TNRC6A: variants seen among roughly 807,000 people sequenced by gnomAD.
TNRC6A encodes trinucleotide repeat-containing gene 6A protein.
Under a neutral mutation model 221.2 loss-of-function variants are expected in TNRC6A, and 44 were observed. The ratio of observed to expected loss-of-function variants is 0.20; its 90% CI spans 0.16 to 0.26. TNRC6A has a LOEUF of 0.26. Ranked by LOEUF, TNRC6A falls within the 10% of genes least tolerant of loss-of-function variation. TNRC6A has a pLI of 1.00. For missense variants in TNRC6A, 2,199 were observed against 2,404.4 expected (o/e 0.91, Z 1.79); for synonymous variants, 847 against 838.5 (o/e 1.01, Z -0.18).
At chr16:24,776,395 T>C in intron 4 of TNRC6A, 1 of 985,494 alleles carries the variant, frequency 1.0e-6, no homozygotes, top group Non-Finnish European at 1.2e-6. Flanking sequence ...ATTACATTTT[T>C]AGCAAATACA....
chr16:24,698,535 T>C (rs939178274), intron 2 of TNRC6A, among the ~76,000 whole-genome samples: 2 of 152,086 alleles, frequency 1.3e-5, no homozygotes, highest in Non-Finnish European at 2.9e-5. Context: ...TGTGCAAATA[T>C]TAGCATGTTT....
rs531227921 is a variant in TNRC6A, at chr16:24,624,711, C to T, written n.276+14227C>T. 4.9e-4 allele frequency among the ~76,000 whole-genome samples: 74 copies of T among 152,174 alleles called. 1 individual carries two copies. The highest frequency in any genetic ancestry group is 1.5e-3 in the African/African-American group (62 of 41,528). On this transcript the variant is annotated intron_variant and non_coding_transcript_variant, in intron 1 of 2. Coordinates refer to the TNRC6A transcript ENST00000566108. ...GTTGCCCAGGCTGGCCTCAAACTTC[C>T]GGGCTCAAGTGATCCTCCTGCCTCG... is the stretch of plus-strand genomic sequence containing the variant.
rs184083977 is a variant in TNRC6A at position 24,720,863 on chromosome 16, G to A, written n.403-29863G>A. On this transcript the variant is annotated intron_variant and non_coding_transcript_variant, in intron 2 of 2. Transcript: ENST00000566108. ...ATCCTAGCTAACACAGTGAAACCCC[G>A]TCTCTACTAAAACAAACAAACAGAA... 1.4e-3 allele frequency among the ~76,000 whole-genome samples: 213 copies of A among 149,244 alleles called. 1 individual carries two copies. The highest frequency in any genetic ancestry group is 4.9e-3 in the African/African-American group (199 of 40,498).
Position 24,729,678 on chromosome 16 carries a change from G to GCGGTTT in TNRC6A, c.-160_-159insTTCGGT. 1 of 727,984 alleles carries GCGGTTT rather than the reference G, an allele frequency of 1.4e-6. No homozygotes were observed. Among genetic ancestry groups the GCGGTTT allele is most frequent in the Non-Finnish European group, 1.9e-6 (1 of 529,054 alleles). 45.1% of individuals were successfully genotyped at this position (727,984 alleles called of 1,614,324 possible). A position where few individuals can be genotyped will look rare whatever the true frequency, so the allele number is the denominator to read the frequency against. On this transcript the variant is annotated 5_prime_UTR_variant, in exon 1 of 25. Coordinates refer to ENST00000395799, the MANE Select transcript of TNRC6A (RefSeq NM_014494.4). ...TTCCGGTCTGGGGCCTGCGGCGGCG[G>GCGGTTT]CGGTGTCGGCGGCGGCGGCGGCGGC...
intron 1 of TNRC6A, among the ~76,000 whole-genome samples, chr16:24,616,703 C>T (rs186508724): frequency 3.8e-4 from 58 of 152,194 alleles, no homozygotes; most frequent in Non-Finnish European, 6.9e-4. Context: ...GGCTGAGAGG[C>T]GGGTGGATCA....
intron 5 of TNRC6A, among the ~76,000 whole-genome samples, chr16:24,786,889 G>C (rs1235696056): frequency 6.6e-6 from 1 of 152,150 alleles, no homozygotes; most frequent in Non-Finnish European, 1.5e-5. Context: ...CACCATGTTG[G>C]CCAGGATGGT....
chr16:24,644,235 C>T (rs370733670), intron 2 of TNRC6A, among the ~76,000 whole-genome samples: 3 of 151,024 alleles, frequency 2.0e-5, no homozygotes, highest in African/African-American at 2.4e-5. Context: ...TACAGGCGCC[C>T]GCCACCACGC....
intron 2 of TNRC6A, among the ~76,000 whole-genome samples, chr16:24,720,886 G>GA (rs112753721): frequency 9.5e-4 from 129 of 135,456 alleles, no homozygotes; most frequent in East Asian, 1.5e-3. Flanking sequence ...CAAACAAACA[G>GA]AAAAAAAAAA....
intron 18 of TNRC6A, among the ~76,000 whole-genome samples, chr16:24,814,362 C>A (rs1362061024): frequency 2.0e-5 from 3 of 149,938 alleles, no homozygotes; most frequent in African/African-American, 7.5e-5. Context: ...GTTTTCCCTT[C>A]CAAATTTACT....
intron 9 of TNRC6A, 39 bp downstream of exon 9, chr16:24,795,978 A>G: frequency 6.2e-7 from 1 of 1,610,732 alleles, no homozygotes; most frequent in Non-Finnish European, 8.5e-7. Context: ...TGTTTCTACT[A>G]GTAAAAATCT....
intron 5 of TNRC6A, among the ~76,000 whole-genome samples, chr16:24,786,153 G>C (rs536439829): frequency 4.6e-5 from 7 of 152,290 alleles, no homozygotes; most frequent in African/African-American, 1.7e-4. Flanking sequence ...CTTTATAAGG[G>C]AGACATGGTG....
At chr16:24,822,806 G>A in intron 23 of TNRC6A, 68 bp from the exon 24 acceptor site, 1 of 1,599,664 alleles carries the variant, frequency 6.3e-7, no homozygotes, top group Non-Finnish European at 8.5e-7. Context: ...CAGCAGTGCA[G>A]CCTGAAACAG....
At chr16:24,651,557 A>AC (rs1414885380) in intron 2 of TNRC6A, among the ~76,000 whole-genome samples, 3 of 147,240 alleles carry the variant, frequency 2.0e-5, no homozygotes, top group African/African-American at 7.5e-5. Context: ...AAAAAAAAAA[A>AC]AAAAAAACAT....
chr16:24,714,778 A>T (rs2056281053), intron 2 of TNRC6A, among the ~76,000 whole-genome samples: 1 of 151,682 alleles, frequency 6.6e-6, no homozygotes, highest in African/African-American at 2.4e-5. Flanking sequence ...TAATTTTAGC[A>T]CCTGTGTCAT....
chr16:24,610,291 A>G (rs1899985513), exon 1 of TNRC6A: 1 of 152,354 alleles, frequency 6.6e-6, no homozygotes, highest in Non-Finnish European at 1.5e-5. Flanking sequence ...CAAAAACACA[A>G]GCAGGTTCCC....
chr16:24,740,805 A>G (rs1399671573), intron 2 of TNRC6A, among the ~76,000 whole-genome samples: 2 of 151,992 alleles, frequency 1.3e-5, no homozygotes, highest in Admixed American at 1.3e-4. Context: ...ATAACTCCCT[A>G]TTGCCTTCAG....
At chr16:24,718,645 A>G (rs2056357504) in intron 2 of TNRC6A, among the ~76,000 whole-genome samples, 1 of 152,198 alleles carries the variant, frequency 6.6e-6, no homozygotes, top group African/African-American at 2.4e-5. Context: ...ATAATTCTAT[A>G]GAATGTAGCC....
At chr16:24,746,260 A>T (rs187360753) in intron 2 of TNRC6A, among the ~76,000 whole-genome samples, 45 of 152,116 alleles carry the variant, frequency 3.0e-4, no homozygotes, top group East Asian at 1.7e-3. Context: ...TTTTTCCTAT[A>T]AAAAAAATCA....
At position 24,806,651 on chromosome 16, in the gene TNRC6A, G is replaced by T. The variant is rs1290157623; in HGVS notation, c.4407G>T (p.Gln1469His). The change falls in exon 17 of 25, where the codon CAG becomes CAT. Residue 1469 changes from glutamine to histidine, a missense_variant. Gln to His is a conservative substitution (Grantham distance 24, BLOSUM62 0). Around this residue, in one of 8 missense-constraint regions of TNRC6A, gnomAD observed 449 missense variants for 579.7 expected, o/e 0.77. Coordinates refer to ENST00000395799, the MANE Select transcript of TNRC6A (RefSeq NM_014494.4). ...QLDPNLLVKQ[Q>H]TPPSQQQPLH... ...ATCCAAACCTGTTGGTGAAGCAGCA[G>T]ACTCCACCATCTCAGCAGCAGCCAC... 6.2e-7 allele frequency: 1 copy of T among 1,614,074 alleles called. No individual in the cohort carries two copies. The highest frequency in any genetic ancestry group is 2.2e-5 in the East Asian group (1 of 44,898).
Sources: allele counts gnomAD v4.1 joint callset (sites outside exome capture counted in the v4.1 genomes callset), GRCh38; gene constraint gnomAD v4.1.1; regional missense constraint gnomAD v4.1.1; transcripts MANE v1.5; gene names NCBI Gene and HGNC (gene_info 2026-07-23, HGNC 2026-07-21).